The following SPICE1 variants were observed in gnomAD, a reference collection of about 807,000 sequenced individuals.
SPICE1 encodes spindle and centriole-associated protein 1.
A neutral mutation model predicts 102.7 loss-of-function variants in SPICE1; 75 were observed. That is an observed-to-expected ratio of 0.73 (90% CI 0.61 to 0.88). SPICE1 has a LOEUF of 0.88. SPICE1 is among the 40% of genes least tolerant of loss of function. SPICE1 has a pLI of 0.00. For synonymous variants in SPICE1, 308 were observed against 350.3 expected (o/e 0.88, Z 1.35); for missense variants, 979 against 1,020.1 (o/e 0.96, Z 0.55).
chr3:113,453,263 T>C (rs13091945), intron 14 of SPICE1, among the ~76,000 whole-genome samples: 62,032 of 152,092 alleles, frequency 0.41, 14,481 homozygotes, highest in Admixed American at 0.55. Context: ...TTATATAATT[T>C]CCCTTTTATG....
In SPICE1 at chr3:113,446,676, T is replaced by A; in HGVS notation, c.2427A>T (p.Arg809Ser). 6.2e-7 allele frequency: 1 copy of A among 1,611,064 alleles called. No individual in the cohort carries two copies. Among genetic ancestry groups the A allele is most frequent in the Non-Finnish European group, 8.5e-7 (1 of 1,177,792 alleles). ...VSPVSGINTR[R>S]SSGATGNSCS... ...AAGAATTACCAGTAGCCCCGGAAGA[T>A]CTATTCATGAAAAATAAAACAGAGT... Residue 809 changes from arginine to serine, a missense_variant and splice_region_variant, in exon 17 of 18, where the codon AGA becomes AGT. By Grantham distance (110) the Arg-to-Ser change is moderately radical. Coordinates refer to ENST00000295872, the MANE Select transcript of SPICE1 (RefSeq NM_144718.4).
At chr3:113,454,851 T>C (rs1935745004) in intron 13 of SPICE1, among the ~76,000 whole-genome samples, 1 of 152,170 alleles carries the variant, frequency 6.6e-6, no homozygotes, top group African/African-American at 2.4e-5. Flanking sequence ...CATGTATGAC[T>C]GATAACAAGA....
intron 7 of SPICE1, among the ~76,000 whole-genome samples, chr3:113,475,524 A>G (rs1430699040): frequency 6.6e-6 from 1 of 152,054 alleles, no homozygotes; most frequent in Non-Finnish European, 1.5e-5. Flanking sequence ...ACATTGATGC[A>G]AAAATCCTCA....
intron 4 of SPICE1, chr3:113,499,233 G>A (rs1230712145): frequency 9.2e-6 from 4 of 436,806 alleles, no homozygotes; most frequent in East Asian, 7.0e-5. Context: ...GGGTCACACA[G>A]CTGGTAAGTA....
chr3:113,446,684 T>G lies in SPICE1; in HGVS notation c.2427-8A>C. 1.2e-6 allele frequency: 2 copies of G among 1,607,098 alleles called. No homozygotes were observed. The highest frequency in any genetic ancestry group is 1.7e-6 in the Non-Finnish European group (2 of 1,174,504). ...CCAGTAGCCCCGGAAGATCTATTCA[T>G]GAAAAATAAAACAGAGTAAGAGAGT... On this transcript the variant is annotated splice_polypyrimidine_tract_variant and splice_region_variant and intron_variant, in intron 16 of 17. Transcript: ENST00000295872.
At position 113,448,077 on chromosome 3, in the gene SPICE1, C is replaced by T. The variant is rs368119768; in HGVS notation, c.2387G>A (p.Cys796Tyr). 8.7e-6 allele frequency: 14 copies of T among 1,612,070 alleles called. No homozygotes were observed. The African/African-American group carries it at 1.7e-4, about 20-fold the overall frequency. The change falls in exon 16 of 18, where the codon TGT becomes TAT. Residue 796 changes from cysteine to tyrosine, a missense_variant. Cys to Tyr is a radical substitution (Grantham distance 194). Transcript: ENST00000295872. The part of the protein sequence containing the change: ...PGAEAPESSK[C>Y]STVSPVSGIN... ...CCCGCTGACGGGAGAGACAGTACTA[C>T]ATTTTGAGCTTTCTGGGGCTTCTGC...
At position 113,453,450 on chromosome 3, in the gene SPICE1, C is replaced by T. The variant is rs1935703530; in HGVS notation, c.2142+16G>A. On this transcript the variant is annotated intron_variant, in intron 14 of 17. Transcript: ENST00000295872. Reference sequence around the variant, plus strand: ...AATTCCTATATGTCCCTAATCAATCCTTAAATGGTACTCACAGAAGTCATG... The same window carrying T: ...AATTCCTATATGTCCCTAATCAATCTTTAAATGGTACTCACAGAAGTCATG... The T allele has an allele frequency of 1.3e-6, 2 of 1,581,564 alleles. No homozygotes were observed. Among genetic ancestry groups the T allele is most frequent in the Non-Finnish European group, 1.7e-6 (2 of 1,163,814 alleles).
At chr3:113,476,040 T>C (rs561948985) in intron 7 of SPICE1, among the ~76,000 whole-genome samples, 2 of 152,278 alleles carry the variant, frequency 1.3e-5, no homozygotes, top group East Asian at 1.9e-4. Context: ...AAAACCCCGT[T>C]GTCTCAGCTC....
rs568191482 is a variant in SPICE1 at position 113,471,267 on chromosome 3, T to A, written c.612-2029A>T. On this transcript the variant is annotated intron_variant, in intron 7 of 17. Coordinates refer to ENST00000295872, the MANE Select transcript of SPICE1 (RefSeq NM_144718.4). ...TTAGAATCTTGAGATGGGGAGATTA[T>A]CTTGGGTAGGCCCTAAATGCAATCA... Among the ~76,000 whole-genome samples, 9 of 152,328 alleles carry A rather than the reference T, an allele frequency of 5.9e-5. No individual in the cohort carries two copies. In the South Asian group the frequency reaches 1.9e-3, roughly 32 times the overall value.
rs755660802 is a variant in SPICE1 at position 113,515,026 on chromosome 3, T to TA, written c.-131dup. 1 of 297,578 alleles carries TA rather than the reference T, an allele frequency of 3.4e-6. No individual in the cohort carries two copies. The highest frequency in any genetic ancestry group is 6.2e-6 in the Non-Finnish European group (1 of 161,574). The allele number at this position is 297,578 out of a possible 1,614,324, so 18.4% of individuals were successfully genotyped here. ...CCACCCTTTTGGTAGCCCTGGTCCC[T>TA]AAGGCTCGTTGGGACTGCGAGCTGC... On this transcript the variant is annotated 5_prime_UTR_variant, in exon 1 of 18. An upstream open reading frame in the 5' UTR loses its in-frame stop. Coordinates refer to ENST00000295872, the MANE Select transcript of SPICE1 (RefSeq NM_144718.4).
At chr3:113,473,965 T>C (rs1241504378) in intron 7 of SPICE1, among the ~76,000 whole-genome samples, 1 of 152,112 alleles carries the variant, frequency 6.6e-6, no homozygotes, top group African/African-American at 2.4e-5. Flanking sequence ...ACGGACTAAA[T>C]GCTCCAATTA....
chr3:113,468,631 C>T, intron 9 of SPICE1, 131 bp downstream of exon 9: 1 of 1,161,576 alleles, frequency 8.6e-7, no homozygotes, highest in Non-Finnish European at 1.2e-6. Context: ...CATTTCTTAG[C>T]TACCATTCAA....
In SPICE1 at chr3:113,445,217, C is replaced by G; in HGVS notation, c.*90G>C. The G allele has an allele frequency of 1.0e-6, 1 of 984,072 alleles. No homozygotes were observed. Among genetic ancestry groups the G allele is most frequent in the Non-Finnish European group, 1.5e-6 (1 of 647,338 alleles). 61.0% of individuals were successfully genotyped at this position (984,072 alleles called of 1,614,324 possible). On this transcript the variant is annotated 3_prime_UTR_variant, in exon 18 of 18. Transcript: ENST00000295872. ...TTCACAGGATCTTTGTAGGTTTTAT[C>G]TGAAAGAAGGATATAAAAACTTAAA...
At chr3:113,468,698 A>C in intron 9 of SPICE1, 64 bp downstream of exon 9, 1 of 1,516,914 alleles carries the variant, frequency 6.6e-7, no homozygotes. Context: ...ATTGACTAAG[A>C]GATTAAGACA....
intron 7 of SPICE1, among the ~76,000 whole-genome samples, chr3:113,475,353 G>T (rs1180442364): frequency 6.6e-6 from 1 of 152,066 alleles, no homozygotes; most frequent in Admixed American, 6.5e-5. Context: ...TCTACCAGAG[G>T]TACAAGGAGG....
intron 14 of SPICE1, among the ~76,000 whole-genome samples, chr3:113,451,192 T>C (rs1935643948): frequency 6.6e-6 from 1 of 152,180 alleles, no homozygotes; most frequent in Non-Finnish European, 1.5e-5. Context: ...TCTAACCATA[T>C]GTCAGCCTCC....
chr3:113,493,358 C>T (rs1430413927), intron 5 of SPICE1, 46 bp from the exon 6 acceptor site: 7 of 1,475,254 alleles, frequency 4.7e-6, no homozygotes, highest in Admixed American at 3.4e-5. Flanking sequence ...ATTTAATTAA[C>T]TTGACTTCAC....
rs1256446372 is a variant in SPICE1, at chr3:113,465,776, G to T, written c.1164C>A (p.Ile388=). ...TTGTCTCTACTTCTTTACGTAGCTG[G>T]ATCTCACTCTACAAAAAAATATCAA... ...RLVRYLKESE[I]QLRKEVETRQ... The change falls in exon 11 of 18, where the codon ATC becomes ATA. Residue 388 remains isoleucine, a synonymous_variant. Transcript: ENST00000295872. 6.2e-7 allele frequency: 1 copy of T among 1,611,212 alleles called. No individual in the cohort carries two copies.
chr3:113,490,262 A>G (rs1427140547), intron 6 of SPICE1, among the ~76,000 whole-genome samples: 1 of 152,190 alleles, frequency 6.6e-6, no homozygotes, highest in African/African-American at 2.4e-5. Context: ...GTAATTACAA[A>G]TGAAATGCTA....
Sources: allele counts gnomAD v4.1 joint callset (sites outside exome capture counted in the v4.1 genomes callset), GRCh38; gene constraint gnomAD v4.1.1; transcripts MANE v1.5; gene names NCBI Gene and HGNC (gene_info 2026-07-23, HGNC 2026-07-21).